Variants in TANC2 observed in about 807,000 individuals in gnomAD.
The protein encoded by TANC2 is tetratricopeptide repeat, ankyrin repeat and coiled-coil containing 2, also known as protein TANC2.
TANC2 carries 26 observed loss-of-function variants against 210.5 expected under a neutral mutation model. That is an observed-to-expected ratio of 0.12 (90% CI 0.09 to 0.17). TANC2 has a LOEUF of 0.17. Among genes scored for constraint, TANC2 ranks in the 10% least tolerant of loss-of-function variants. TANC2 has a pLI of 1.00. For synonymous variants in TANC2, 931 were observed against 967.1 expected, an observed-to-expected ratio of 0.96 and a Z score of 0.69; for missense variants, 2,129 against 2,608.9, an observed-to-expected ratio of 0.82 and a Z score of 4.01.
Position 63,421,672 on chromosome 17 carries a change from T to C in TANC2, c.5942T>C (p.Ile1981Thr). 1.2e-6 allele frequency: 2 copies of C among 1,614,034 alleles called. No individual in the cohort carries two copies. Among genetic ancestry groups the C allele is most frequent in the Non-Finnish European group, 1.7e-6 (2 of 1,179,892 alleles). ...GAGTCCTTCAGTCCACCATCATCCA[T>C]CAGCAACATTGCCTTTTATAACAAA... The change falls in exon 28 of 28, where the codon ATC becomes ACC. Residue 1981 changes from isoleucine (I) to threonine (T), a missense_variant. This residue lies in a region of TANC2 where 161 missense variants were observed against 178.6 expected (regional missense o/e 0.90). Coordinates refer to ENST00000689528, the Ensembl canonical transcript of TANC2. The surrounding 1 kb of genome is among the most constrained non-coding windows in gnomAD (Gnocchi z 6.9).
chr17:63,062,684 T>A (rs1313408934), intron 2 of TANC2, among the ~76,000 whole-genome samples: 1 of 152,160 alleles, frequency 6.6e-6, no homozygotes, highest in East Asian at 1.9e-4. Flanking sequence ...ATTTAGATGC[T>A]CATTAAGTTT....
At chr17:63,055,785 A>C (rs2035751338) in intron 2 of TANC2, among the ~76,000 whole-genome samples, 1 of 150,326 alleles carries the variant, frequency 6.7e-6, no homozygotes, top group African/African-American at 2.4e-5. Flanking sequence ...ACTGTGTATC[A>C]TTGCAGTCTT....
At chr17:63,008,272 T>C (rs72843152) in intron 1 of TANC2, among the ~76,000 whole-genome samples, 2,217 of 152,282 alleles carry the variant, frequency 0.015, 29 homozygotes, top group Non-Finnish European at 0.024. Flanking sequence ...CATATATTGC[T>C]TCTTCCCAAT....
At chr17:63,196,880 A>C (rs1183057526) in intron 6 of TANC2, among the ~76,000 whole-genome samples, 2 of 152,176 alleles carry the variant, frequency 1.3e-5, no homozygotes, top group Non-Finnish European at 2.9e-5. Context: ...CCAATTTTCA[A>C]ATAAGATATG....
intron 19 of TANC2, among the ~76,000 whole-genome samples, chr17:63,402,764 G>A (rs546135069): frequency 3.3e-5 from 5 of 152,242 alleles, no homozygotes; most frequent in Non-Finnish European, 7.3e-5. Flanking sequence ...TAGGAAGAAA[G>A]TTGGTTCCTA....
intron 2 of TANC2, among the ~76,000 whole-genome samples, chr17:63,014,510 G>T (rs182678426): frequency 1.3e-5 from 2 of 152,028 alleles, no homozygotes; most frequent in African/African-American, 4.8e-5. Context: ...TCTTCTCCTC[G>T]CCAGGGATTT....
intron 5 of TANC2, among the ~76,000 whole-genome samples, chr17:63,181,634 G>A (rs1274760027): frequency 3.9e-5 from 6 of 152,144 alleles, no homozygotes; most frequent in Admixed American, 2.0e-4. Flanking sequence ...ACTTGACACC[G>A]ACACCTCCTA....
intron 4 of TANC2, among the ~76,000 whole-genome samples, chr17:63,126,909 C>T (rs1215360578): frequency 1.3e-5 from 2 of 152,030 alleles, no homozygotes; most frequent in Admixed American, 6.6e-5. Context: ...AAAGAAATAG[C>T]TCTCTTCATG....
At chr17:63,013,950 A>G (rs1306997377) in intron 2 of TANC2, among the ~76,000 whole-genome samples, 1 of 151,882 alleles carries the variant, frequency 6.6e-6, no homozygotes, top group Non-Finnish European at 1.5e-5. Flanking sequence ...TTGATAGACC[A>G]TACGCATATC....
chr17:63,325,637 C>T (rs1215874391), intron 11 of TANC2, among the ~76,000 whole-genome samples: 1 of 152,174 alleles, frequency 6.6e-6, no homozygotes, highest in Non-Finnish European at 1.5e-5. Flanking sequence ...GCTTTAAAAC[C>T]TAGCACAGTG....
exon 28 of TANC2, chr17:63,424,088 G>C (rs1467571888): frequency 1.3e-5 from 2 of 152,204 alleles, no homozygotes; most frequent in African/African-American, 4.8e-5. Context: ...GCATTTTGAA[G>C]AATTTCTCAG....
Position 63,194,154 on chromosome 17 carries a change from A to C in TANC2, c.582+15A>C. The C allele has an allele frequency of 6.2e-7, 1 of 1,609,120 alleles. No individual in the cohort carries two copies. The highest frequency in any genetic ancestry group is 1.1e-5 in the South Asian group (1 of 89,884). ...ATGAAAATCAGGTAAGCTGTTTGCTATCACCTTTGTGAAACATGGTGTGAA... is the reference window on the plus strand; with the variant it reads ...ATGAAAATCAGGTAAGCTGTTTGCTCTCACCTTTGTGAAACATGGTGTGAA... On this transcript the variant is annotated intron_variant, in intron 6 of 27. Coordinates refer to ENST00000689528, the Ensembl canonical transcript of TANC2.
intron 17 of TANC2, among the ~76,000 whole-genome samples, chr17:63,393,835 A>G (rs570253146): frequency 6.6e-6 from 1 of 150,882 alleles, no homozygotes; most frequent in Admixed American, 6.6e-5. Context: ...CAATGGCATG[A>G]TCTCAGCTCA....
At chr17:63,291,358 C>T (rs967622274) in intron 9 of TANC2, among the ~76,000 whole-genome samples, 3 of 152,166 alleles carry the variant, frequency 2.0e-5, no homozygotes, top group Non-Finnish European at 2.9e-5. Context: ...TCTACCAAAA[C>T]CAAGTCTATA....
rs75276856 is a variant in TANC2, at chr17:63,004,794, G to A, written c.-23-4743G>A. 1.7e-5 allele frequency: 6 copies of A among 348,106 alleles called. 1 individual carries two copies. Among genetic ancestry groups the A allele is most frequent in the Admixed American group, 3.2e-5 (1 of 31,126 alleles). 21.6% of individuals were successfully genotyped at this position (348,106 alleles called of 1,614,324 possible). On this transcript the variant is annotated intron_variant, in intron 1 of 27. Coordinates refer to ENST00000689528, the Ensembl canonical transcript of TANC2. Reference sequence around the variant, plus strand: ...TTCTGCAGGGTTATTCCCCTTACCCGCTTTGGGTACCTTCTTTCCTTTCTT... The same window carrying A: ...TTCTGCAGGGTTATTCCCCTTACCCACTTTGGGTACCTTCTTTCCTTTCTT...
At chr17:63,340,244 G>A in exon 12 of TANC2, 1 of 1,613,964 alleles carries the variant, frequency 6.2e-7, no homozygotes, top group Non-Finnish European at 8.5e-7. Context: ...CTCACCTGCA[G>A]AGCATGCTGA....
intron 6 of TANC2, among the ~76,000 whole-genome samples, chr17:63,195,813 A>G (rs2041326802): frequency 6.6e-6 from 1 of 152,120 alleles, no homozygotes; most frequent in Non-Finnish European, 1.5e-5. Flanking sequence ...TTAAAATAAA[A>G]TCTAAAATCT....
At chr17:63,334,784 A>G (rs973341163) in intron 11 of TANC2, among the ~76,000 whole-genome samples, 2 of 152,236 alleles carry the variant, frequency 1.3e-5, no homozygotes, top group Non-Finnish European at 2.9e-5. Context: ...TTGCATTGCT[A>G]TAAAGAAATG....
At chr17:63,343,922 G>A (rs1056231386) in intron 12 of TANC2, among the ~76,000 whole-genome samples, 7 of 152,118 alleles carry the variant, frequency 4.6e-5, no homozygotes, top group African/African-American at 1.7e-4. Context: ...GTTAATCAGT[G>A]TAATTCATCA....
Sources: allele counts gnomAD v4.1 joint callset (sites outside exome capture counted in the v4.1 genomes callset), GRCh38; gene constraint gnomAD v4.1.1; regional missense constraint gnomAD v4.1.1; non-coding constraint Gnocchi (gnomAD v3.1); transcripts MANE v1.5; gene names NCBI Gene and HGNC (gene_info 2026-07-23, HGNC 2026-07-21).